The following VWA8 variants were observed in gnomAD, a reference collection of about 807,000 sequenced individuals.
VWA8 encodes von Willebrand factor A domain-containing protein 8.
In VWA8, 221 loss-of-function variants were observed where a neutral mutation model predicts 241.5. The observed-to-expected ratio is 0.91, with a 90% CI of 0.82 to 1.02. VWA8 has a LOEUF of 1.02. Among genes scored for constraint, VWA8 ranks in the 50% least tolerant of loss-of-function variants. The pLI is 0.00. For synonymous variants in VWA8, 852 were observed against 827.1 expected, an observed-to-expected ratio of 1.03 and a Z score of -0.52; for missense variants, 2,322 against 2,328.7, an observed-to-expected ratio of 1.00 and a Z score of 0.06.
chr13:41,907,063 T>C (rs1057499208), intron 4 of VWA8, among the ~76,000 whole-genome samples: 1 of 152,150 alleles, frequency 6.6e-6, no homozygotes, highest in African/African-American at 2.4e-5. Flanking sequence ...TTTTAAACAA[T>C]GTATTTGAAG....
Position 41,948,274 on chromosome 13 carries a change from T to C in VWA8, c.241+1662A>G, listed in dbSNP as rs573040149. Among the ~76,000 whole-genome samples, 6 of 152,254 alleles carry C rather than the reference T, an allele frequency of 3.9e-5. No homozygotes were observed. In the East Asian group the frequency reaches 1.2e-3, roughly 29 times the overall value. ...ATAAGCAAGATACAATGGCTACATA[T>C]CCCATGTATATAAAATGTCCAAAAT... On this transcript the variant is annotated intron_variant, in intron 2 of 44. Transcript: ENST00000379310.
chr13:41,936,948 G>T (rs570182281), intron 2 of VWA8, among the ~76,000 whole-genome samples: 1 of 152,188 alleles, frequency 6.6e-6, no homozygotes, highest in African/African-American at 2.4e-5. Context: ...TGGAATTGAA[G>T]CATTCCTATC....
At chr13:41,685,270 T>G in intron 34 of VWA8, 28 bp from the exon 35 acceptor site, 1 of 1,597,320 alleles carries the variant, frequency 6.3e-7, no homozygotes, top group Non-Finnish European at 8.5e-7. Context: ...ATTAAAGTAC[T>G]GAAGTACCAT....
chr13:41,593,834 T>C (rs2044472090), intron 40 of VWA8, among the ~76,000 whole-genome samples: 1 of 152,104 alleles, frequency 6.6e-6, no homozygotes, highest in Admixed American at 6.5e-5. Flanking sequence ...AGGGTGGCAG[T>C]GGTTAGCAGC....
chr13:41,761,360 A>G (rs1212355643), intron 20 of VWA8, among the ~76,000 whole-genome samples, 156 bp from the exon 21 acceptor site: 2 of 152,078 alleles, frequency 1.3e-5, no homozygotes, highest in Non-Finnish European at 2.9e-5. Flanking sequence ...CATATATGGA[A>G]TATCTCCTAT....
At chr13:41,661,905 C>A (rs1464059634) in intron 37 of VWA8, among the ~76,000 whole-genome samples, 1 of 152,124 alleles carries the variant, frequency 6.6e-6, no homozygotes, top group Non-Finnish European at 1.5e-5. Flanking sequence ...TGTTGACTAT[C>A]CTTTCTCCAT....
At chr13:41,720,260 C>A (rs2045378382) in intron 25 of VWA8, among the ~76,000 whole-genome samples, 1 of 152,100 alleles carries the variant, frequency 6.6e-6, no homozygotes, top group South Asian at 2.1e-4. Flanking sequence ...ATGACTACAA[C>A]TGAATTTACA....
At chr13:41,767,599 C>T (rs183884766) in intron 20 of VWA8, among the ~76,000 whole-genome samples, 1 of 152,264 alleles carries the variant, frequency 6.6e-6, no homozygotes, top group East Asian at 1.9e-4. Flanking sequence ...TAATCCTAAA[C>T]AGTCATACAA....
chr13:41,605,405 C>G (rs2044547492), intron 39 of VWA8, 129 bp from the exon 40 acceptor site: 8 of 832,348 alleles, frequency 9.6e-6, no homozygotes, highest in Non-Finnish European at 1.6e-5. Flanking sequence ...GGAGAAAAGG[C>G]AAGAAGTGAT....
chr13:41,816,991 T>C (rs1870725536), intron 15 of VWA8, among the ~76,000 whole-genome samples: 1 of 152,186 alleles, frequency 6.6e-6, no homozygotes. Context: ...ATCAGGTAAC[T>C]TAAACCAAGA....
At chr13:41,698,969 C>T (rs2137824848) in intron 29 of VWA8, 102 bp downstream of exon 29, 2 of 1,523,042 alleles carry the variant, frequency 1.3e-6, no homozygotes, top group East Asian at 4.5e-5. Context: ...AGCTCCTCTC[C>T]TTGATCATCA....
intron 12 of VWA8, among the ~76,000 whole-genome samples, chr13:41,835,182 G>C (rs1871663623): frequency 6.6e-6 from 1 of 152,120 alleles, no homozygotes; most frequent in Non-Finnish European, 1.5e-5. Flanking sequence ...AAACCACCAT[G>C]GCACACGTTT....
intron 21 of VWA8, among the ~76,000 whole-genome samples, chr13:41,733,237 A>C (rs911822352): frequency 6.6e-6 from 1 of 152,250 alleles, no homozygotes; most frequent in Non-Finnish European, 1.5e-5. Context: ...ATAGCACTTG[A>C]CAATAAAATA....
At chr13:41,713,148 G>T (rs758661922) in intron 26 of VWA8, among the ~76,000 whole-genome samples, 1 of 152,134 alleles carries the variant, frequency 6.6e-6, no homozygotes, top group Non-Finnish European at 1.5e-5. Flanking sequence ...CTGTACTGGA[G>T]GCAAAGGTTC....
intron 44 of VWA8, among the ~76,000 whole-genome samples, chr13:41,569,731 T>C (rs778086141): frequency 6.6e-6 from 1 of 152,042 alleles, no homozygotes; most frequent in Non-Finnish European, 1.5e-5. Context: ...ATGAGCTCTT[T>C]CTGTTTGTAA....
chr13:41,704,488 G>A, intron 26 of VWA8, among the ~76,000 whole-genome samples: 1 of 150,132 alleles, frequency 6.7e-6, no homozygotes, highest in Non-Finnish European at 1.5e-5. Flanking sequence ...CTTTGAGACA[G>A]GGTCTCACTC....
At chr13:41,699,294 T>C in intron 28 of VWA8, 24 bp from the exon 29 acceptor site, 1 of 1,612,316 alleles carries the variant, frequency 6.2e-7, no homozygotes, top group Non-Finnish European at 8.5e-7. Flanking sequence ...AAGGTGTTAA[T>C]TTTGTGGCTG....
In VWA8 at chr13:41,721,594, TCACATTC is replaced by T. The variant is rs750696375; in HGVS notation, c.2759-26_2759-20del. 6.3e-7 allele frequency: 1 copy of T among 1,599,388 alleles called. No individual in the cohort carries two copies. The highest frequency in any genetic ancestry group is 1.1e-5 in the South Asian group (1 of 89,328). Reference sequence around the variant, plus strand: ...ATATCACCTAAAGGAGAGAAAAGATTCACATTCAGTATGCAACAAATCCATTACGATG... The same window carrying T: ...ATATCACCTAAAGGAGAGAAAAGATTAGTATGCAACAAATCCATTACGATG... On this transcript the variant is annotated intron_variant, in intron 24 of 44. Transcript: ENST00000379310.
At chr13:41,802,717 G>A (rs1870016002) in intron 17 of VWA8, among the ~76,000 whole-genome samples, 1 of 152,220 alleles carries the variant, frequency 6.6e-6, no homozygotes, top group South Asian at 2.1e-4. Context: ...GCTCCTGGAT[G>A]ACATTTTGAC....
Sources: allele counts gnomAD v4.1 joint callset (sites outside exome capture counted in the v4.1 genomes callset), GRCh38; gene constraint gnomAD v4.1.1; transcripts MANE v1.5; gene names NCBI Gene and HGNC (gene_info 2026-07-23, HGNC 2026-07-21).